Variants in CARD9 observed in about 807,000 individuals in gnomAD.
CARD9 encodes caspase recruitment domain family member 9.
A neutral mutation model predicts 66.0 loss-of-function variants in CARD9; 53 were observed. The ratio of observed to expected loss-of-function variants is 0.80; its 90% CI spans 0.64 to 1.01. The LOEUF (loss-of-function observed/expected upper bound fraction) is 1.01, where lower values mean the gene tolerates loss of function less well. Among genes scored for constraint, CARD9 ranks in the 50% least tolerant of loss-of-function variants. CARD9 has a pLI of 0.00. For missense variants in CARD9, 769 were observed against 743.2 expected (o/e 1.03, Z -0.40); for synonymous variants, 387 against 313.8 (o/e 1.23, Z -2.47).
chr9:136,369,895 A>G lies in CARD9; in HGVS notation c.952-20T>C. The G allele has an allele frequency of 6.2e-7, 1 of 1,610,072 alleles. No individual in the cohort carries two copies. Among genetic ancestry groups the G allele is most frequent in the Non-Finnish European group, 8.5e-7 (1 of 1,179,952 alleles). Reference sequence around the variant, plus strand: ...CATGCACTGCAGGGGGCGGCAGCTCAGCCCCCACAGGCCTGAGGCCCCCCA... The same window carrying G: ...CATGCACTGCAGGGGGCGGCAGCTCGGCCCCCACAGGCCTGAGGCCCCCCA... On this transcript the variant is annotated intron_variant, in intron 6 of 12. Coordinates refer to ENST00000371732, the MANE Select transcript of CARD9 (RefSeq NM_052813.5).
chr9:136,366,764 G>A (rs1833133739), intron 10 of CARD9, 36 bp downstream of exon 10: 3 of 1,611,572 alleles, frequency 1.9e-6, no homozygotes, highest in East Asian at 4.5e-5. Flanking sequence ...TGGGGAAGCT[G>A]GGAGGCCTCT....
Position 136,365,125 on chromosome 9 carries a change from C to G in CARD9, c.1434+16G>C, listed in dbSNP as rs1833089510. 6.2e-7 allele frequency: 1 copy of G among 1,611,192 alleles called. No individual in the cohort carries two copies. The highest frequency in any genetic ancestry group is 8.5e-7 in the Non-Finnish European group (1 of 1,179,356). ...AGGCCCACGGCTGGGAGGACCCCAC[C>G]CCGGGGAAGCCTTACATGGGGGTTC... On this transcript the variant is annotated intron_variant, in intron 11 of 12. Transcript: ENST00000371732.
chr9:136,364,104 C>T lies in CARD9; in HGVS notation c.*198G>A, dbSNP rs1237405571. On this transcript the variant is annotated 3_prime_UTR_variant, in exon 13 of 13. Coordinates refer to ENST00000371732, the MANE Select transcript of CARD9 (RefSeq NM_052813.5). ...ATGGGGGTGGTGAGCACCCGCATGG[C>T]CTCCGCAAAATGAGTGCCGCTTAAC... 1.9e-6 allele frequency: 3 copies of T among 1,550,494 alleles called. No homozygotes were observed. The highest frequency in any genetic ancestry group is 3.9e-5 in the Admixed American group (2 of 51,016).
intron 10 of CARD9, 37 bp from the exon 11 acceptor site, chr9:136,365,254 C>A: frequency 6.3e-7 from 1 of 1,596,444 alleles, no homozygotes; most frequent in Non-Finnish European, 8.5e-7. Flanking sequence ...ACCTGCCCAT[C>A]TGCTGGGCCA....
At position 136,371,413 on chromosome 9, in the gene CARD9, G is replaced by A. The variant is rs1182277747; in HGVS notation, c.233C>T (p.Ala78Val). 3 of 1,590,392 alleles carry A rather than the reference G, an allele frequency of 1.9e-6. No homozygotes were observed. The Admixed American group carries it at 5.3e-5, about 28-fold the overall frequency. The change falls in exon 3 of 13, where the codon GCC (alanine) becomes GTC (valine). Residue 78 changes from alanine (A) to valine (V), a missense_variant. Coordinates refer to ENST00000371732, the MANE Select transcript of CARD9 (RefSeq NM_052813.5). ...LQRTGHKGYV[A>V]FLESLELYYP... ...GTAGAGCTCCAGGCTCTCGAGGAAGGCCACGTAGCCCTTGTGGCCGGTCCG... is the reference window on the plus strand; with the variant it reads ...GTAGAGCTCCAGGCTCTCGAGGAAGACCACGTAGCCCTTGTGGCCGGTCCG...
chr9:136,364,961 G>GAGA, intron 11 of CARD9, 180 bp downstream of exon 11: 1 of 627,728 alleles, frequency 1.6e-6, no homozygotes, highest in East Asian at 2.8e-5. Context: ...CCCAAGAAAG[G>GAGA]GGGATCCACT....
At chr9:136,367,025 A>G (rs1310264286) in intron 9 of CARD9, among the ~76,000 whole-genome samples, 180 bp from the exon 10 acceptor site, 3 of 152,182 alleles carry the variant, frequency 2.0e-5, no homozygotes, top group Admixed American at 6.5e-5. Context: ...GGAGGTGGGC[A>G]CTGTCCGTGC....
Position 136,365,195 on chromosome 9 carries a change from G to T in CARD9, c.1380C>A (p.Ser460Arg), listed in dbSNP as rs149608339. The change falls in exon 11 of 13, where the codon AGC (serine) becomes AGA (arginine). Residue 460 changes from serine (S) to arginine (R), a missense_variant. Ser to Arg is a moderately radical substitution (Grantham distance 110). Transcript: ENST00000371732. ...SDKGCLAGGG[S>R]PKQPFAALHQ... ...GCAGAGCTGCAAAGGGCTGTTTCGGGCTCCCCCCGCCGGCAAGGCAGCCTG... is the reference window on the plus strand; with the variant it reads ...GCAGAGCTGCAAAGGGCTGTTTCGGTCTCCCCCCGCCGGCAAGGCAGCCTG... 6.2e-7 allele frequency: 1 copy of T among 1,609,876 alleles called. No homozygotes were observed.
chr9:136,367,833 C>T lies in CARD9; in HGVS notation c.1078-5G>A, dbSNP rs746317918. 2.5e-5 allele frequency: 40 copies of T among 1,596,882 alleles called. No individual in the cohort carries two copies. Among genetic ancestry groups the T allele is most frequent in the South Asian group, 6.6e-5 (6 of 90,704 alleles). On this transcript the variant is annotated splice_region_variant and splice_polypyrimidine_tract_variant and intron_variant, in intron 7 of 12. Coordinates refer to ENST00000371732, the MANE Select transcript of CARD9 (RefSeq NM_052813.5). The stretch of plus-strand genomic sequence containing the variant: ...CTCCTCCCGCGTGGCTATGGCCTGA[C>T]GGGACAGCACAAGGCCGACCCTCAG...
At position 136,364,137 on chromosome 9, in the gene CARD9, C is replaced by G; in HGVS notation, c.*165G>C. ...AAATGAGTGCCGCTTAACAAACGGC[C>G]CCAATGCCCGGCAGTCCGGCTGGGC... On this transcript the variant is annotated 3_prime_UTR_variant, in exon 13 of 13. Coordinates refer to ENST00000371732, the MANE Select transcript of CARD9 (RefSeq NM_052813.5). The G allele has an allele frequency of 1.9e-6, 3 of 1,550,562 alleles. No homozygotes were observed. Among genetic ancestry groups the G allele is most frequent in the Non-Finnish European group, 2.6e-6 (3 of 1,146,880 alleles).
chr9:136,371,539 G>C, intron 2 of CARD9, 78 bp from the exon 3 acceptor site: 1 of 1,516,994 alleles, frequency 6.6e-7, no homozygotes, highest in East Asian at 2.4e-5. Flanking sequence ...TGGGGGCAGG[G>C]ACAGGTGGAG....
intron 5 of CARD9, 32 bp downstream of exon 5, chr9:136,370,490 C>T: frequency 6.2e-7 from 1 of 1,603,556 alleles, no homozygotes; most frequent in African/African-American, 1.3e-5. Context: ...ACTGCCCTGC[C>T]TGGGCTGCAC....
intron 8 of CARD9, 110 bp from the exon 9 acceptor site, chr9:136,367,367 C>G: frequency 8.0e-7 from 1 of 1,249,738 alleles, no homozygotes; most frequent in East Asian, 2.5e-5. Flanking sequence ...GGCATGCCCT[C>G]AGCCACACCA....
At chr9:136,364,654 G>T in intron 11 of CARD9, 95 bp from the exon 12 acceptor site, 1 of 1,271,136 alleles carries the variant, frequency 7.9e-7, no homozygotes, top group Non-Finnish European at 1.1e-6. Flanking sequence ...CTGCAGACTG[G>T]TTGGGAGGCG....
In CARD9 at chr9:136,372,129, G is replaced by T. The variant is rs374895476; in HGVS notation, c.-16-35C>A. The T allele has an allele frequency of 1.3e-4, 201 of 1,606,740 alleles. No homozygotes were observed. The African/African-American group carries it at 2.5e-3, about 20-fold the overall frequency. On this transcript the variant is annotated intron_variant, in intron 1 of 12. Coordinates refer to ENST00000371732, the MANE Select transcript of CARD9 (RefSeq NM_052813.5). ...GTGGGGCAGTGCTGAGAGCGATGCCGGCTCCTGCCCCCACCCGGGCCCAGC... is the reference window on the plus strand; with the variant it reads ...GTGGGGCAGTGCTGAGAGCGATGCCTGCTCCTGCCCCCACCCGGGCCCAGC...
chr9:136,363,960 G>C lies in CARD9; in HGVS notation c.*342C>G. ...GCGCGAGTGTCCGAGCGGGAATGCG[G>C]GTCACCCGTGCTGTTTATTTACGCA... is the stretch of plus-strand genomic sequence containing the variant. On this transcript the variant is annotated 3_prime_UTR_variant, in exon 13 of 13. Transcript: ENST00000371732. 1 of 1,019,676 alleles carries C rather than the reference G, an allele frequency of 9.8e-7. No homozygotes were observed. Among genetic ancestry groups the C allele is most frequent in the Non-Finnish European group, 1.5e-6 (1 of 672,206 alleles). The allele number at this position is 1,019,676 out of a possible 1,614,324, so 63.2% of individuals were successfully genotyped here.
intron 1 of CARD9, 108 bp from the exon 2 acceptor site, chr9:136,372,202 AG>A (rs1833294108): frequency 6.8e-7 from 1 of 1,461,726 alleles, no homozygotes; most frequent in South Asian, 1.2e-5. Flanking sequence ...CAGGGCATCG[AG>A]GGGGATCAGC....
At chr9:136,365,622 G>C (rs1341882572) in intron 10 of CARD9, 2 of 232,116 alleles carry the variant, frequency 8.6e-6, no homozygotes, top group South Asian at 5.9e-5. Context: ...GTGGCTGTCT[G>C]GGTCCTCCTG....
At chr9:136,372,912 CT>C (rs1353154214) in intron 1 of CARD9, among the ~76,000 whole-genome samples, 2 of 152,238 alleles carry the variant, frequency 1.3e-5, no homozygotes, top group Admixed American at 1.3e-4. Context: ...AATCCCTGGA[CT>C]CTTCTCCTGC....
Sources: gnomAD v4.1 joint callset for allele counts (sites outside exome capture counted in the v4.1 genomes callset) on GRCh38, gnomAD v4.1.1 for gene constraint, MANE v1.5 for transcripts, NCBI Gene and HGNC (gene_info 2026-07-23, HGNC 2026-07-21) for gene names.